BFAR: variants seen among roughly 807,000 people sequenced by gnomAD.
BFAR encodes the protein bifunctional apoptosis regulator, also known as RING finger protein 47.
Under a neutral mutation model 54.4 loss-of-function variants are expected in BFAR, and 52 were observed. That is an observed-to-expected ratio of 0.96 (90% CI 0.77 to 1.21). The LOEUF is 1.21. Among genes scored for constraint, BFAR ranks in the 50% most tolerant of loss-of-function variants. The pLI is 0.00. For synonymous variants in BFAR, 215 were observed against 204.3 expected (o/e 1.05, Z -0.45); for missense variants, 571 against 534.0 (o/e 1.07, Z -0.68).
intron 1 of BFAR, among the ~76,000 whole-genome samples, chr16:14,640,151 CAAA>C (rs549719277): frequency 7.3e-5 from 8 of 110,294 alleles, no homozygotes; most frequent in Admixed American, 2.9e-4. Flanking sequence ...GACCTAGCTC[CAAA>C]AAAAAAAAAA....
In BFAR at chr16:14,654,929, C is replaced by G. The variant is rs535932814; in HGVS notation, c.639-137C>G. ...AGTAAGCATTCAATTATTTGCTGCT[C>G]TTGATGTTGTTAAATGTGAAATGTC... On this transcript the variant is annotated intron_variant, in intron 4 of 7. Coordinates refer to ENST00000261658, the MANE Select transcript of BFAR (RefSeq NM_016561.3). 3.6e-5 allele frequency: 33 copies of G among 907,410 alleles called. 1 individual carries two copies. The South Asian group carries it at 8.3e-4, about 23-fold the overall frequency. 56.2% of individuals were successfully genotyped at this position (907,410 alleles called of 1,614,324 possible).
At chr16:14,647,608 C>T (rs1321907246) in intron 2 of BFAR, among the ~76,000 whole-genome samples, 2 of 150,886 alleles carry the variant, frequency 1.3e-5, no homozygotes, top group African/African-American at 2.4e-5. Flanking sequence ...TTGAAGGACA[C>T]GGAGGTTGCG....
At chr16:14,657,611 T>C (rs980054628) in intron 5 of BFAR, among the ~76,000 whole-genome samples, 3 of 151,950 alleles carry the variant, frequency 2.0e-5, no homozygotes, top group African/African-American at 7.3e-5. Context: ...GGTGCGACCT[T>C]AGCTCACTAC....
intron 4 of BFAR, among the ~76,000 whole-genome samples, chr16:14,654,537 GT>G (rs996888970): frequency 1.5e-4 from 18 of 116,572 alleles, no homozygotes; most frequent in Non-Finnish European, 2.6e-4. Context: ...GTCTCACTCT[GT>G]TGCCTGGGCT....
chr16:14,643,183 C>T (rs900222056), intron 1 of BFAR, among the ~76,000 whole-genome samples: 2 of 152,230 alleles, frequency 1.3e-5, no homozygotes, highest in South Asian at 2.1e-4. Context: ...CCCAATGGCA[C>T]GCACCTGTAA....
chr16:14,655,319 T>C (rs186964969), intron 5 of BFAR, 109 bp downstream of exon 5: 3 of 894,300 alleles, frequency 3.4e-6, no homozygotes, highest in Non-Finnish European at 4.4e-6. Flanking sequence ...TATGTACTTA[T>C]TTATTTATTT....
Position 14,644,162 on chromosome 16 carries a change from C to CAAAAA in BFAR, c.-73-98_-73-94dup. The CAAAAA allele has an allele frequency of 9.9e-6, 5 of 503,212 alleles. No homozygotes were observed. In the Admixed American group the frequency reaches 1.3e-4, roughly 13 times the overall value. 31.2% of individuals were successfully genotyped at this position (503,212 alleles called of 1,614,324 possible). ...TGGGCCAGAGAGCAAGACTGTGTCTCAAAAAAAAAAAAAAAAAATTAGCGC... is the reference window on the plus strand; with the variant it reads ...TGGGCCAGAGAGCAAGACTGTGTCTCAAAAAAAAAAAAAAAAAAAAAAATTAGCGC... On this transcript the variant is annotated intron_variant, in intron 1 of 7. Coordinates refer to ENST00000261658, the MANE Select transcript of BFAR (RefSeq NM_016561.3).
chr16:14,641,541 A>G (rs967295758), intron 1 of BFAR, among the ~76,000 whole-genome samples: 10 of 140,936 alleles, frequency 7.1e-5, no homozygotes, highest in Non-Finnish European at 1.4e-4. Context: ...ACAGAGTGAG[A>G]CTCCATCTCA....
chr16:14,659,941 G>A lies in BFAR; in HGVS notation c.784-1951G>A, dbSNP rs556349817. Among the ~76,000 whole-genome samples the A allele has an allele frequency of 1.1e-4, 16 of 152,300 alleles. 1 individual carries two copies. The highest frequency in any genetic ancestry group is 3.6e-4 in the African/African-American group (15 of 41,562). ...AAAATCTAACAGTAAGTTATTCATA[G>A]CATCAGCTAAATTGAATGTTTTAAC... On this transcript the variant is annotated intron_variant, in intron 5 of 7. Coordinates refer to ENST00000261658, the MANE Select transcript of BFAR (RefSeq NM_016561.3).
intron 1 of BFAR, among the ~76,000 whole-genome samples, chr16:14,638,043 A>G (rs534881870): frequency 5.9e-5 from 9 of 152,248 alleles, no homozygotes; most frequent in Non-Finnish European, 1.3e-4. Flanking sequence ...GCCTAACCAG[A>G]GGCCCATGGA....
intron 3 of BFAR, 28 bp from the exon 4 acceptor site, chr16:14,649,776 G>A (rs1473607899): frequency 1.7e-5 from 27 of 1,568,584 alleles, no homozygotes; most frequent in Non-Finnish European, 2.3e-5. Flanking sequence ...CCTCTCCATG[G>A]TTTAAAGTCC....
At chr16:14,665,908 G>A (rs1383066457) in intron 7 of BFAR, among the ~76,000 whole-genome samples, 1 of 152,174 alleles carries the variant, frequency 6.6e-6, no homozygotes, top group Non-Finnish European at 1.5e-5. Flanking sequence ...ATCCTGATCT[G>A]TAACCAACTA....
At chr16:14,642,552 T>TA (rs1359790344) in intron 1 of BFAR, among the ~76,000 whole-genome samples, 1 of 152,180 alleles carries the variant, frequency 6.6e-6, no homozygotes, top group Non-Finnish European at 1.5e-5. Flanking sequence ...TTATTAGTAA[T>TA]ATTAGCATTT....
At chr16:14,636,728 CAA>C (rs1959456925) in intron 1 of BFAR, among the ~76,000 whole-genome samples, 1 of 152,176 alleles carries the variant, frequency 6.6e-6, no homozygotes, top group Non-Finnish European at 1.5e-5. Context: ...TTTCCCTTCC[CAA>C]GAGGCCATAT....
chr16:14,667,429 G>T (rs1172364164), intron 7 of BFAR: 11 of 532,664 alleles, frequency 2.1e-5, no homozygotes, highest in Non-Finnish European at 3.6e-5. Flanking sequence ...CAGTGTGGGG[G>T]CAAAGAAGCT....
chr16:14,653,081 A>T (rs1257226329), intron 4 of BFAR, among the ~76,000 whole-genome samples: 1 of 152,222 alleles, frequency 6.6e-6, no homozygotes, highest in Non-Finnish European at 1.5e-5. Flanking sequence ...CCTAGTTAGT[A>T]CAATGTATTT....
At chr16:14,649,702 C>T (rs1484242528) in intron 3 of BFAR, 102 bp from the exon 4 acceptor site, 2 of 1,078,592 alleles carry the variant, frequency 1.9e-6, no homozygotes, top group Non-Finnish European at 2.7e-6. Flanking sequence ...CGCATCATTC[C>T]CTGTGAGCTC....
intron 4 of BFAR, 112 bp from the exon 5 acceptor site, chr16:14,654,954 C>A (rs892967052): frequency 1.8e-6 from 2 of 1,137,232 alleles, no homozygotes; most frequent in African/African-American, 1.6e-5. Flanking sequence ...TGTGAAATGT[C>A]TCACCATACC....
Position 14,668,529 on chromosome 16 carries a change from C to G in BFAR, c.*702C>G, listed in dbSNP as rs1960506766. On this transcript the variant is annotated 3_prime_UTR_variant, in exon 8 of 8. Coordinates refer to ENST00000261658, the MANE Select transcript of BFAR (RefSeq NM_016561.3). ...AGATTGAGAGGGATGTCGGGCAGTT[C>G]CCATTAGATTTAGTGGCCTTCATGT... The G allele has an allele frequency of 6.6e-6, 1 of 152,482 alleles. No individual in the cohort carries two copies. 9.4% of individuals were successfully genotyped at this position (152,482 alleles called of 1,614,324 possible).
Sources: gnomAD v4.1 joint callset for allele counts (sites outside exome capture counted in the v4.1 genomes callset) on GRCh38, gnomAD v4.1.1 for gene constraint, MANE v1.5 for transcripts, NCBI Gene and HGNC (gene_info 2026-07-23, HGNC 2026-07-21) for gene names.